The following LRP1B variants were observed in gnomAD, a reference collection of about 807,000 sequenced individuals.
The protein encoded by LRP1B is low-density lipoprotein receptor-related protein 1B.
A neutral mutation model predicts 556.6 loss-of-function variants in LRP1B; 217 were observed. That is an observed-to-expected ratio of 0.39 (90% CI 0.35 to 0.44). LRP1B has a LOEUF of 0.44. Ranked by LOEUF, LRP1B falls within the 20% of genes least tolerant of loss-of-function variation. The pLI is 1.00. For missense variants in LRP1B, 5,053 were observed against 5,620.8 expected (o/e 0.90, Z 3.23); for synonymous variants, 2,047 against 1,865.8 (o/e 1.10, Z -2.50).
intron 34 of LRP1B, among the ~76,000 whole-genome samples, chr2:140,769,646 G>A (rs1689237293): frequency 6.6e-6 from 1 of 151,860 alleles, no homozygotes; most frequent in African/African-American, 2.4e-5. Context: ...AATTGGTGAT[G>A]ATGATGCTGG....
chr2:141,166,262 G>T (rs532979140), intron 7 of LRP1B, among the ~76,000 whole-genome samples: 1 of 151,262 alleles, frequency 6.6e-6, no homozygotes, highest in Non-Finnish European at 1.5e-5. Context: ...TGCTCTCTAC[G>T]TTCTCACTTT....
intron 2 of LRP1B, among the ~76,000 whole-genome samples, chr2:141,576,669 C>A (rs1418187504): frequency 1.3e-5 from 2 of 150,632 alleles, no homozygotes; most frequent in Non-Finnish European, 2.9e-5. Context: ...AGAGAGAAAA[C>A]CTTGAGTGTA....
chr2:141,444,566 T>A (rs1681108966), intron 3 of LRP1B, among the ~76,000 whole-genome samples: 1 of 152,188 alleles, frequency 6.6e-6, no homozygotes. Context: ...TGGGGGTTTG[T>A]CATAAATAGT....
intron 35 of LRP1B, among the ~76,000 whole-genome samples, chr2:140,750,705 C>A (rs891588628): frequency 6.6e-6 from 1 of 152,144 alleles, no homozygotes; most frequent in African/African-American, 2.4e-5. Context: ...AACTTATTGA[C>A]TACAGTGACA....
chr2:140,314,049 A>G (rs929287895), intron 83 of LRP1B, among the ~76,000 whole-genome samples: 61 of 152,094 alleles, frequency 4.0e-4, no homozygotes, highest in African/African-American at 1.5e-3. Context: ...TTAGCACTAT[A>G]TTAAATACTT....
intron 2 of LRP1B, among the ~76,000 whole-genome samples, chr2:141,615,856 T>C (rs1688277967): frequency 6.6e-6 from 1 of 152,322 alleles, no homozygotes; most frequent in African/African-American, 2.4e-5. Flanking sequence ...GGGTTGACTT[T>C]AACGGCATAA....
intron 12 of LRP1B, among the ~76,000 whole-genome samples, chr2:141,017,570 A>G (rs930869172): frequency 6.6e-6 from 1 of 151,844 alleles, no homozygotes; most frequent in African/African-American, 2.4e-5. Flanking sequence ...CTGATCCAGC[A>G]CCTAAAATTA....
At chr2:140,551,829 G>T (rs2105052427) in intron 43 of LRP1B, among the ~76,000 whole-genome samples, 1 of 152,246 alleles carries the variant, frequency 6.6e-6, no homozygotes, top group Non-Finnish European at 1.5e-5. Context: ...CAGAATTCAT[G>T]AGTTTTCATC....
chr2:140,367,243 A>G (rs1682803603), intron 71 of LRP1B, among the ~76,000 whole-genome samples: 1 of 151,804 alleles, frequency 6.6e-6, no homozygotes, highest in African/African-American at 2.4e-5. Context: ...TTAATGGCAG[A>G]AACATGATTA....
chr2:140,259,926 C>A lies in LRP1B; in HGVS notation c.13247+10316G>T, dbSNP rs377739838. Among the ~76,000 whole-genome samples the A allele has an allele frequency of 5.2e-4, 79 of 151,910 alleles. 2 individuals are homozygous for A. In the Middle Eastern group the frequency reaches 0.01, roughly 20 times the overall value. ...TGTAAAAACCAATATGCCCTGCCCC[C>A]ACACACACAGATGATGAAGGAAAGG... On this transcript the variant is annotated intron_variant, in intron 86 of 90. Transcript: ENST00000389484.
intron 1 of LRP1B, among the ~76,000 whole-genome samples, chr2:142,128,808 C>A (rs1286312808): frequency 6.6e-6 from 1 of 152,180 alleles, no homozygotes; most frequent in African/African-American, 2.4e-5. Context: ...GTTCCTCTCC[C>A]TCATGAAACT....
In LRP1B at chr2:141,362,634, G is replaced by A. The variant is rs1688868481; in HGVS notation, c.344-107993C>T. On this transcript the variant is annotated intron_variant, in intron 3 of 90. Coordinates refer to ENST00000389484, the MANE Select transcript of LRP1B (RefSeq NM_018557.3). ...CATATGACATTTCTTTCAAAATTCAGCAATATTTTCACAGACAAAATTGCA... is the reference window on the plus strand; with the variant it reads ...CATATGACATTTCTTTCAAAATTCAACAATATTTTCACAGACAAAATTGCA... Among the ~76,000 whole-genome samples the A allele has an allele frequency of 2.0e-5, 3 of 152,120 alleles. No homozygotes were observed. In the South Asian group the frequency reaches 6.2e-4, roughly 31 times the overall value.
Position 140,867,850 on chromosome 2 carries a change from T to A in LRP1B, c.4335-16A>T, listed in dbSNP as rs1692998653. 1 of 1,506,520 alleles carries A rather than the reference T, an allele frequency of 6.6e-7. No homozygotes were observed. Among genetic ancestry groups the A allele is most frequent in the Middle Eastern group, 1.8e-4 (1 of 5,576 alleles). 93.3% of individuals were successfully genotyped at this position (1,506,520 alleles called of 1,614,324 possible). A position where few individuals can be genotyped will look rare whatever the true frequency, so the allele number is the denominator to read the frequency against. On this transcript the variant is annotated splice_polypyrimidine_tract_variant and intron_variant, in intron 26 of 90. Transcript: ENST00000389484. ...AGCATCTGACCTACAGAAAGATAAA[T>A]ACATGAGTAGTTTGTCAAAACTCAT... is the stretch of plus-strand genomic sequence containing the variant.
intron 1 of LRP1B, among the ~76,000 whole-genome samples, chr2:141,992,039 A>G (rs1360534684): frequency 6.6e-6 from 1 of 152,170 alleles, no homozygotes. Context: ...TATCCCTGAT[A>G]TATTTGCATA....
intron 18 of LRP1B, among the ~76,000 whole-genome samples, chr2:140,962,794 AT>A (rs1334800000): frequency 2.0e-5 from 3 of 152,254 alleles, no homozygotes; most frequent in African/African-American, 7.2e-5. Context: ...TTGTGTTGTT[AT>A]TTATTTCATT....
intron 7 of LRP1B, among the ~76,000 whole-genome samples, chr2:141,095,177 G>A (rs1385775277): frequency 2.0e-5 from 3 of 151,710 alleles, no homozygotes; most frequent in Non-Finnish European, 1.5e-5. Flanking sequence ...CTCCAGAGCT[G>A]TGAGAAGTAA....
intron 1 of LRP1B, among the ~76,000 whole-genome samples, chr2:141,929,912 CAAAAAAAAAAA>C (rs70994467): frequency 2.1e-4 from 22 of 104,134 alleles, no homozygotes; most frequent in African/African-American, 6.0e-4. Flanking sequence ...CGGATGGAAA[CAAAAAAAAAAA>C]AAAAAAAAAA....
At chr2:141,157,477 C>T (rs566028337) in intron 7 of LRP1B, among the ~76,000 whole-genome samples, 3 of 152,166 alleles carry the variant, frequency 2.0e-5, no homozygotes, top group East Asian at 1.9e-4. Flanking sequence ...ACCAAAGTCA[C>T]ATGCATAGTA....
intron 7 of LRP1B, among the ~76,000 whole-genome samples, chr2:141,110,241 A>G (rs990377832): frequency 6.6e-6 from 1 of 151,610 alleles, no homozygotes; most frequent in Non-Finnish European, 1.5e-5. Flanking sequence ...GCCAAAGGAT[A>G]TAAATTTAAT....
Sources: gnomAD v4.1 joint callset for allele counts (sites outside exome capture counted in the v4.1 genomes callset) on GRCh38, gnomAD v4.1.1 for gene constraint, MANE v1.5 for transcripts, NCBI Gene and HGNC (gene_info 2026-07-23, HGNC 2026-07-21) for gene names.